GADL1: variants seen among roughly 807,000 people sequenced by gnomAD.
GADL1 encodes the protein acidic amino acid decarboxylase GADL1.
In GADL1, 71 loss-of-function variants were observed where a neutral mutation model predicts 69.5. The observed-to-expected ratio is 1.02, with a 90% CI of 0.84 to 1.25. The LOEUF is 1.25. Among genes scored for constraint, GADL1 ranks in the 50% most tolerant of loss-of-function variants. The pLI is 0.00. For synonymous variants in GADL1, 254 were observed against 214.4 expected (o/e 1.18, Z -1.62); for missense variants, 737 against 631.8 (o/e 1.17, Z -1.79).
intron 2 of GADL1, among the ~76,000 whole-genome samples, chr3:30,860,442 A>G (rs1342024440): frequency 1.3e-5 from 2 of 152,022 alleles, no homozygotes; most frequent in Non-Finnish European, 2.9e-5. Context: ...ACTCCAATGT[A>G]AAGCAGATCC....
At chr3:30,880,323 C>T (rs1480914360) in intron 1 of GADL1, among the ~76,000 whole-genome samples, 1 of 151,844 alleles carries the variant, frequency 6.6e-6, no homozygotes, top group East Asian at 1.9e-4. Flanking sequence ...GCTGTGTCCC[C>T]ACCCAAATCT....
At chr3:30,807,139 CTT>C (rs1357043629) in intron 11 of GADL1, among the ~76,000 whole-genome samples, 1 of 152,154 alleles carries the variant, frequency 6.6e-6, no homozygotes, top group East Asian at 1.9e-4. Context: ...TGGGAATACT[CTT>C]TAGTCTTAAG....
rs544083692 is a variant in GADL1, at chr3:30,769,254, C to T, written c.1392+8925G>A. On this transcript the variant is annotated intron_variant, in intron 14 of 14. Coordinates refer to ENST00000282538, the MANE Select transcript of GADL1 (RefSeq NM_207359.3). ...TATTCAGTGCTCGTATTTAGGTCAT[C>T]GGTCCATCCAGCGACTAGTGAAATA... Among the ~76,000 whole-genome samples the T allele has an allele frequency of 4.9e-4, 75 of 152,290 alleles. 1 individual carries two copies. Among genetic ancestry groups the T allele is most frequent in the African/African-American group, 1.6e-3 (65 of 41,556 alleles).
chr3:30,847,696 G>A (rs1009152849), intron 6 of GADL1, among the ~76,000 whole-genome samples: 124 of 152,278 alleles, frequency 8.1e-4, no homozygotes, highest in African/African-American at 2.9e-3. Context: ...TAATTTTTCT[G>A]TGGAATTCAC....
At chr3:30,881,503 C>T (rs1463784228) in intron 1 of GADL1, among the ~76,000 whole-genome samples, 2 of 151,662 alleles carry the variant, frequency 1.3e-5, no homozygotes, top group Non-Finnish European at 2.9e-5. Flanking sequence ...TACTGGAATT[C>T]AAGAGAAGGA....
At chr3:30,828,762 G>T (rs1697734514) in intron 11 of GADL1, among the ~76,000 whole-genome samples, 1 of 151,936 alleles carries the variant, frequency 6.6e-6, no homozygotes, top group South Asian at 2.1e-4. Context: ...TTAGAACACA[G>T]ACGTATGCAT....
At chr3:30,789,854 C>A (rs1346249979) in intron 12 of GADL1, among the ~76,000 whole-genome samples, 1 of 152,192 alleles carries the variant, frequency 6.6e-6, no homozygotes, top group Non-Finnish European at 1.5e-5. Context: ...TAGGGTCTTG[C>A]TCTGAATTGG....
intron 14 of GADL1, among the ~76,000 whole-genome samples, chr3:30,745,591 T>C (rs890707524): frequency 1.3e-5 from 2 of 152,204 alleles, no homozygotes; most frequent in Non-Finnish European, 2.9e-5. Context: ...GATTGAGACA[T>C]CAAATTTTCT....
intron 14 of GADL1, among the ~76,000 whole-genome samples, chr3:30,767,116 T>C (rs304831): frequency 0.57 from 87,101 of 151,976 alleles, 28,294 homozygotes; most frequent in Non-Finnish European, 0.73. Flanking sequence ...CAGGTAGTTT[T>C]TAAATATCCT....
Position 30,726,596 on chromosome 3 carries a change from T to C in GADL1, c.*1646A>G, listed in dbSNP as rs562048822. The C allele has an allele frequency of 6.6e-6, 1 of 151,978 alleles. No individual in the cohort carries two copies. The highest frequency in any genetic ancestry group is 1.9e-4 in the East Asian group (1 of 5,172). The allele number at this position is 151,978 out of a possible 1,614,324, so 9.4% of individuals were successfully genotyped here. Reference sequence around the variant, plus strand: ...AGAGATACCGAGAAACTGTGCACACTAAAATGAAAATAAGCAATAAAAGCA... The same window carrying C: ...AGAGATACCGAGAAACTGTGCACACCAAAATGAAAATAAGCAATAAAAGCA... On this transcript the variant is annotated 3_prime_UTR_variant, in exon 15 of 15. Coordinates refer to ENST00000282538, the MANE Select transcript of GADL1 (RefSeq NM_207359.3).
chr3:30,757,291 C>T (rs1054663942), intron 14 of GADL1, among the ~76,000 whole-genome samples: 3 of 152,128 alleles, frequency 2.0e-5, no homozygotes, highest in African/African-American at 7.2e-5. Flanking sequence ...TGAAATCAAC[C>T]TACCCAGCCT....
At chr3:30,816,215 T>A (rs1319373844) in intron 11 of GADL1, among the ~76,000 whole-genome samples, 2 of 151,978 alleles carry the variant, frequency 1.3e-5, no homozygotes, top group Non-Finnish European at 2.9e-5. Context: ...AGACCCCTAA[T>A]GCATCCTGGA....
At chr3:30,806,937 C>G (rs943709209) in intron 11 of GADL1, among the ~76,000 whole-genome samples, 3 of 152,218 alleles carry the variant, frequency 2.0e-5, no homozygotes, top group African/African-American at 7.2e-5. Flanking sequence ...AACTTCATTA[C>G]TAATCTGGCA....
At chr3:30,861,295 A>G (rs1411885149) in intron 2 of GADL1, among the ~76,000 whole-genome samples, 1 of 146,066 alleles carries the variant, frequency 6.8e-6, no homozygotes, top group African/African-American at 2.5e-5. Flanking sequence ...TATCTATGTT[A>G]TTATCTAGGG....
At position 30,840,365 on chromosome 3, in the gene GADL1, C is replaced by T. The variant is rs569418377; in HGVS notation, c.787-1252G>A. On this transcript the variant is annotated intron_variant, in intron 8 of 14. Transcript: ENST00000282538. ...TCAAAGTGGTGGTATATAACAAATC[C>T]ATTTGCCATCTTGGGAGACAGCTGT... 2.5e-3 allele frequency among the ~76,000 whole-genome samples: 385 copies of T among 152,196 alleles called. 4 individuals carry two copies. The highest frequency in any genetic ancestry group is 8.4e-3 in the African/African-American group (347 of 41,542).
At chr3:30,765,239 A>T (rs115927160) in intron 14 of GADL1, among the ~76,000 whole-genome samples, 1 of 152,096 alleles carries the variant, frequency 6.6e-6, no homozygotes, top group African/African-American at 2.4e-5. Flanking sequence ...CACTCATAAG[A>T]AGTGGTGGCT....
At chr3:30,892,286 T>C in intron 1 of GADL1, among the ~76,000 whole-genome samples, 1 of 152,226 alleles carries the variant, frequency 6.6e-6, no homozygotes, top group South Asian at 2.1e-4. Flanking sequence ...TAACAGATAT[T>C]CAACAAGAGA....
chr3:30,878,902 A>G (rs1385982920), intron 1 of GADL1, among the ~76,000 whole-genome samples: 2 of 151,950 alleles, frequency 1.3e-5, no homozygotes. Context: ...CATGATATAT[A>G]GTAAGTTAAA....
chr3:30,845,681 C>T (rs1698040978), intron 6 of GADL1, among the ~76,000 whole-genome samples: 1 of 152,074 alleles, frequency 6.6e-6, no homozygotes. Flanking sequence ...GTTAAAAGAC[C>T]ATATGCATAT....
Sources: gnomAD v4.1 joint callset for allele counts (sites outside exome capture counted in the v4.1 genomes callset) on GRCh38, gnomAD v4.1.1 for gene constraint, MANE v1.5 for transcripts, NCBI Gene and HGNC (gene_info 2026-07-23, HGNC 2026-07-21) for gene names.